RHCE: variants seen among roughly 807,000 people sequenced by gnomAD.
RHCE encodes the protein blood group Rh(CE) polypeptide.
A neutral mutation model predicts 43.8 loss-of-function variants in RHCE; 22 were observed. The ratio of observed to expected loss-of-function variants is 0.50; its 90% CI spans 0.36 to 0.72. The LOEUF is 0.72. Among genes scored for constraint, RHCE ranks in the 30% least tolerant of loss-of-function variants. The probability of loss-of-function intolerance (pLI) is 0.00; values close to 1 mark genes in which losing one functional copy is unlikely to be tolerated. For synonymous variants in RHCE, 156 were observed against 210.7 expected, an observed-to-expected ratio of 0.74 and a Z score of 2.25; for missense variants, 385 against 525.4, an observed-to-expected ratio of 0.73 and a Z score of 2.61.
chr1:25,412,240 C>T (rs900012994), intron 1 of RHCE, among the ~76,000 whole-genome samples: 3 of 152,240 alleles, frequency 2.0e-5, no homozygotes, highest in Non-Finnish European at 4.4e-5. Flanking sequence ...TCTCACCTCA[C>T]TAAGCGATCT....
At chr1:25,388,824 C>T in intron 6 of RHCE, 152 bp downstream of exon 6, 2 of 1,332,536 alleles carry the variant, frequency 1.5e-6, no homozygotes, top group Non-Finnish European at 2.1e-6. Context: ...TGCCACCGAG[C>T]CAGGATGGAT....
intron 1 of RHCE, among the ~76,000 whole-genome samples, chr1:25,412,653 A>C (rs1647117956): frequency 6.7e-6 from 1 of 148,234 alleles, no homozygotes; most frequent in Non-Finnish European, 1.5e-5. Context: ...TTAAGGCTGC[A>C]GTGAGCCACG....
intron 1 of RHCE, among the ~76,000 whole-genome samples, chr1:25,416,662 G>A (rs1647485662): frequency 6.6e-6 from 1 of 151,904 alleles, no homozygotes; most frequent in Admixed American, 6.6e-5. Context: ...TGTCGCCCAT[G>A]CTGGAGTGAA....
chr1:25,390,817 G>A lies in RHCE; in HGVS notation c.733C>T (p.Leu245=), dbSNP rs1053361. ...ATGGCTGTCACCACACTGACTGCTA[G>A]AGCATAGTAGGTGTTGAACATGGCA... ...KNAMFNTYYA[L]AVSVVTAISG... is the part of the protein sequence containing the mutation. The change falls in exon 5 of 10, where the codon CTA becomes TTA. Residue 245 remains leucine, a synonymous_variant. Coordinates refer to ENST00000294413, the MANE Select transcript of RHCE (RefSeq NM_020485.8). 1 of 1,614,132 alleles carries A rather than the reference G, an allele frequency of 6.2e-7. No homozygotes were observed. The highest frequency in any genetic ancestry group is 8.5e-7 in the Non-Finnish European group (1 of 1,180,026).
At chr1:25,407,926 T>C (rs1388568633) in intron 2 of RHCE, among the ~76,000 whole-genome samples, 1 of 123,750 alleles carries the variant, frequency 8.1e-6, no homozygotes, top group Admixed American at 8.7e-5. Flanking sequence ...GGTAATTTAA[T>C]GAAAATAAAG....
chr1:25,383,486 A>T (rs184122105), intron 7 of RHCE, among the ~76,000 whole-genome samples: 1 of 152,296 alleles, frequency 6.6e-6, no homozygotes, highest in Admixed American at 6.5e-5. Flanking sequence ...CTATTGCTAA[A>T]TCTGCACAGC....
chr1:25,362,393 C>G lies in RHCE; in HGVS notation c.*134G>C, dbSNP rs191386830. 10 of 1,594,814 alleles carry G rather than the reference C, an allele frequency of 6.3e-6. No individual in the cohort carries two copies. The Admixed American group carries it at 8.8e-5, about 14-fold the overall frequency. On this transcript the variant is annotated 3_prime_UTR_variant, in exon 10 of 10. Coordinates refer to ENST00000294413, the MANE Select transcript of RHCE (RefSeq NM_020485.8). ...AGTCTTTAATTTTTTAATATCAAAT[C>G]TGTCTCTGACCTTGTTTCATTATAC... is the stretch of plus-strand genomic sequence containing the variant.
At chr1:25,410,552 C>A (rs570474844) in intron 1 of RHCE, among the ~76,000 whole-genome samples, 1 of 151,986 alleles carries the variant, frequency 6.6e-6, no homozygotes, top group East Asian at 1.9e-4. Context: ...GCTTCAGCCT[C>A]CTGTGCTTCA....
At chr1:25,409,478 T>C (rs1647007097) in intron 1 of RHCE, among the ~76,000 whole-genome samples, 1 of 124,500 alleles carries the variant, frequency 8.0e-6, no homozygotes, top group African/African-American at 2.5e-5. Flanking sequence ...CCCTCACCTT[T>C]CCCAGTCTCA....
chr1:25,374,294 G>A (rs1188264098), intron 8 of RHCE, among the ~76,000 whole-genome samples: 1 of 151,852 alleles, frequency 6.6e-6, no homozygotes, highest in Non-Finnish European at 1.5e-5. Context: ...TCACCATGTT[G>A]GCCAGGCTGG....
At chr1:25,383,954 C>A (rs1350377235) in intron 7 of RHCE, among the ~76,000 whole-genome samples, 22 of 152,288 alleles carry the variant, frequency 1.4e-4, no homozygotes, top group African/African-American at 5.1e-4. Flanking sequence ...CCTCTACCAG[C>A]AAACCACTGA....
chr1:25,383,052 A>G (rs1447427544), intron 7 of RHCE, among the ~76,000 whole-genome samples: 1 of 152,200 alleles, frequency 6.6e-6, no homozygotes, highest in Non-Finnish European at 1.5e-5. Flanking sequence ...GCTATTCAAA[A>G]GAGTGGTTAA....
intron 1 of RHCE, chr1:25,411,316 A>C: frequency 6.5e-7 from 1 of 1,550,262 alleles, no homozygotes; most frequent in Non-Finnish European, 8.7e-7. Context: ...CATCATCATG[A>C]CAATCACAGC....
rs1646984400 is a variant in RHCE, at chr1:25,408,677, C to T, written c.335+6G>A. 7.8e-7 allele frequency: 1 copy of T among 1,281,072 alleles called. No homozygotes were observed. The highest frequency in any genetic ancestry group is 1.4e-5 in the African/African-American group (1 of 72,562). 79.4% of individuals were successfully genotyped at this position (1,281,072 alleles called of 1,614,324 possible). A position where few individuals can be genotyped will look rare whatever the true frequency, so the allele number is the denominator to read the frequency against. On this transcript the variant is annotated splice_donor_region_variant and intron_variant, in intron 2 of 9. Coordinates refer to ENST00000294413, the MANE Select transcript of RHCE (RefSeq NM_020485.8). ...CCCAGAAGTGATCCAGCCACCATCC[C>T]AATACCTGAACAGTGTGATGACCAC...
chr1:25,383,597 C>G (rs775318935), intron 7 of RHCE, among the ~76,000 whole-genome samples: 137 of 152,234 alleles, frequency 9.0e-4, no homozygotes, highest in Middle Eastern at 3.4e-3. Context: ...GGCTTCACCA[C>G]TGGTGAAGCC....
chr1:25,395,349 G>A (rs1646505425), intron 3 of RHCE, among the ~76,000 whole-genome samples: 3 of 151,420 alleles, frequency 2.0e-5, no homozygotes, highest in Admixed American at 2.0e-4. Flanking sequence ...GTGGGTGGAG[G>A]GGACACGTTT....
intron 2 of RHCE, among the ~76,000 whole-genome samples, chr1:25,404,225 C>T (rs1646846959): frequency 6.7e-6 from 1 of 148,628 alleles, no homozygotes; most frequent in Admixed American, 6.7e-5. Context: ...GCTCACCGTT[C>T]AGTATCCCCA....
chr1:25,387,730 A>G (rs1434421664), intron 6 of RHCE, among the ~76,000 whole-genome samples: 2 of 151,992 alleles, frequency 1.3e-5, no homozygotes, highest in Non-Finnish European at 2.9e-5. Context: ...ATTTTATTTT[A>G]TTTTTTAATG....
chr1:25,402,524 C>A, intron 3 of RHCE, 72 bp downstream of exon 3: 1 of 1,612,748 alleles, frequency 6.2e-7, no homozygotes, highest in East Asian at 2.2e-5. Context: ...TTTTTCAAAA[C>A]CCCGGAAGCC....
Sources: allele counts gnomAD v4.1 joint callset (sites outside exome capture counted in the v4.1 genomes callset), GRCh38; gene constraint gnomAD v4.1.1; transcripts MANE v1.5; gene names NCBI Gene and HGNC (gene_info 2026-07-23, HGNC 2026-07-21).